HTT: variants seen among roughly 807,000 people sequenced by gnomAD.
HTT encodes the protein huntington disease protein.
HTT carries 104 observed loss-of-function variants against 362.3 expected under a neutral mutation model. That is an observed-to-expected ratio of 0.29 (90% confidence interval 0.24 to 0.34). The LOEUF (loss-of-function observed/expected upper bound fraction) is 0.34. HTT is among the 10% of genes least tolerant of loss of function. The pLI is 1.00. For missense variants in HTT, 3,301 were observed against 3,928.6 expected, an observed-to-expected ratio of 0.84 and a Z score of 4.27; for synonymous variants, 1,577 against 1,548.7, an observed-to-expected ratio of 1.02 and a Z score of -0.43.
At chr4:3,105,560 C>G (rs1313244060) in intron 5 of HTT, 124 bp downstream of exon 5, 2 of 697,750 alleles carry the variant, frequency 2.9e-6, no homozygotes, top group Non-Finnish European at 5.3e-6. Context: ...TCGACCTTGC[C>G]CTGTTTATGT....
chr4:3,107,772 G>C (rs566879339), intron 6 of HTT, among the ~76,000 whole-genome samples: 1 of 152,212 alleles, frequency 6.6e-6, no homozygotes. Flanking sequence ...GCTCACTGAC[G>C]AGGCCTTGTG....
intron 29 of HTT, among the ~76,000 whole-genome samples, chr4:3,166,348 G>T (rs1717705718): frequency 6.6e-6 from 1 of 152,200 alleles, no homozygotes; most frequent in Non-Finnish European, 1.5e-5. Context: ...CTACTGGGAG[G>T]TGTCTCCCAG....
At chr4:3,092,394 T>A (rs555376412) in intron 2 of HTT, among the ~76,000 whole-genome samples, 66 of 152,174 alleles carry the variant, frequency 4.3e-4, no homozygotes, top group East Asian at 9.6e-4. Flanking sequence ...ATTAAAAAAA[T>A]TTTTTTTAGA....
chr4:3,235,213 C>A, intron 61 of HTT, 71 bp from the exon 62 acceptor site: 1 of 1,100,962 alleles, frequency 9.1e-7, no homozygotes, highest in Non-Finnish European at 1.4e-6. Context: ...CGCGTGGGGC[C>A]GGACATGCTG....
chr4:3,076,687 A>G (rs1712571971), intron 1 of HTT, among the ~76,000 whole-genome samples: 1 of 152,220 alleles, frequency 6.6e-6, no homozygotes. Context: ...CCTGATGGGA[A>G]GGAAGACCTT....
At chr4:3,179,480 A>G (rs539293777) in intron 35 of HTT, among the ~76,000 whole-genome samples, 2 of 152,084 alleles carry the variant, frequency 1.3e-5, no homozygotes, top group Non-Finnish European at 2.9e-5. Flanking sequence ...CTGTGTGTGC[A>G]TGTCTCAGGG....
intron 27 of HTT, among the ~76,000 whole-genome samples, chr4:3,155,183 A>G (rs921067315): frequency 3.3e-5 from 5 of 151,854 alleles, no homozygotes. Flanking sequence ...TTTTGTGTAT[A>G]TAGCATTTAT....
At chr4:3,089,652 C>G (rs1277776266) in intron 2 of HTT, among the ~76,000 whole-genome samples, 1 of 152,204 alleles carries the variant, frequency 6.6e-6, no homozygotes, top group African/African-American at 2.4e-5. Flanking sequence ...CATAATTTCT[C>G]TCTGAAAGCT....
chr4:3,099,237 G>A (rs562516433), intron 2 of HTT, 37 bp from the exon 3 acceptor site: 10 of 1,435,404 alleles, frequency 7.0e-6, no homozygotes, highest in Non-Finnish European at 9.8e-6. Context: ...TGTCACCTTA[G>A]GCTCCTCTTG....
chr4:3,193,445 G>A (rs530501433), intron 40 of HTT, among the ~76,000 whole-genome samples: 1 of 152,344 alleles, frequency 6.6e-6, no homozygotes, highest in African/African-American at 2.4e-5. Flanking sequence ...GATGCCAGGA[G>A]GAGACAGCCT....
intron 2 of HTT, among the ~76,000 whole-genome samples, chr4:3,089,840 C>G (rs1016349459): frequency 6.6e-6 from 1 of 152,148 alleles, no homozygotes; most frequent in Admixed American, 6.5e-5. Context: ...CATATTAAAT[C>G]AAAATAATAG....
rs748543000 is a variant in HTT at position 3,135,894 on chromosome 4, C to T, written c.2634-10C>T. On this transcript the variant is annotated splice_polypyrimidine_tract_variant and intron_variant, in intron 19 of 66. Transcript: ENST00000355072. ...AAATGATTTCATTGTTAAATGTGCT[C>T]TTTTGTTAGGCTGGTGAGCTTTTTG... is the stretch of plus-strand genomic sequence containing the variant. 1 of 1,594,608 alleles carries T rather than the reference C, an allele frequency of 6.3e-7. No individual in the cohort carries two copies. Among genetic ancestry groups the T allele is most frequent in the East Asian group, 2.3e-5 (1 of 44,160 alleles).
rs533902938 is a variant in HTT at position 3,138,103 on chromosome 4, T to C, written c.2798+1777T>C. On this transcript the variant is annotated intron_variant, in intron 21 of 66. Coordinates refer to ENST00000355072, the MANE Select transcript of HTT (RefSeq NM_001388492.1). ...TTCCTTCCTTCCTTCCTTCCTTCTTTCCTTCCTCCCTTCCTCCCTCCCTTC... is the reference window on the plus strand; with the variant it reads ...TTCCTTCCTTCCTTCCTTCCTTCTTCCCTTCCTCCCTTCCTCCCTCCCTTC... 9.2e-3 allele frequency among the ~76,000 whole-genome samples: 1,385 copies of C among 150,526 alleles called. 19 individuals are homozygous for C. Among genetic ancestry groups the C allele is most frequent in the African/African-American group, 0.032 (1,296 of 40,614 alleles).
At chr4:3,150,430 G>A (rs1716819322) in intron 26 of HTT, among the ~76,000 whole-genome samples, 2 of 152,178 alleles carry the variant, frequency 1.3e-5, no homozygotes, top group South Asian at 4.1e-4. Flanking sequence ...CAGAGGACCT[G>A]TCTCTGGAGC....
At chr4:3,230,644 G>A (rs1047549342) in intron 60 of HTT, among the ~76,000 whole-genome samples, 1 of 152,162 alleles carries the variant, frequency 6.6e-6, no homozygotes, top group Non-Finnish European at 1.5e-5. Flanking sequence ...CGTTCTGGGG[G>A]CTGGAAGTTT....
Position 3,235,809 on chromosome 4 carries a change from G to T in HTT, c.8785+31G>T, listed in dbSNP as rs763395331. 4 of 1,541,552 alleles carry T rather than the reference G, an allele frequency of 2.6e-6. 1 individual carries two copies. The South Asian group carries it at 3.4e-5, about 13-fold the overall frequency. ...CATGTACACGGTGCCCATAAGGCCA[G>T]CCCAAGTCCTGTTCAAGGGAGGCAG... On this transcript the variant is annotated intron_variant, in intron 63 of 66. Transcript: ENST00000355072.
intron 8 of HTT, among the ~76,000 whole-genome samples, chr4:3,116,819 C>T (rs1715054847): frequency 6.6e-6 from 1 of 152,208 alleles, no homozygotes; most frequent in Admixed American, 6.5e-5. Flanking sequence ...GACTTCAGTT[C>T]TTTGTAGCAC....
At chr4:3,077,488 C>T (rs567308833) in intron 1 of HTT, among the ~76,000 whole-genome samples, 2 of 152,114 alleles carry the variant, frequency 1.3e-5, no homozygotes, top group Non-Finnish European at 2.9e-5. Flanking sequence ...GATACAATCT[C>T]GGCTCACTGC....
At chr4:3,144,492 A>C (rs1259167317) in intron 23 of HTT, among the ~76,000 whole-genome samples, 2 of 151,922 alleles carry the variant, frequency 1.3e-5, no homozygotes, top group Non-Finnish European at 2.9e-5. Flanking sequence ...TAATTTTTGT[A>C]TTTTTAGTAG....
Sources: allele counts gnomAD v4.1 joint callset (sites outside exome capture counted in the v4.1 genomes callset), GRCh38; gene constraint gnomAD v4.1.1; transcripts MANE v1.5; gene names NCBI Gene and HGNC (gene_info 2026-07-23, HGNC 2026-07-21).